Variants in PODXL observed in about 807,000 individuals in gnomAD.
The protein encoded by PODXL is podocalyxin like, also known as podocalyxin.
PODXL carries 20 observed loss-of-function variants against 48.9 expected under a neutral mutation model. That is an observed-to-expected ratio of 0.41 (90% confidence interval 0.29 to 0.59). PODXL has a LOEUF of 0.59. Ranked by LOEUF, PODXL falls within the 20% of genes least tolerant of loss-of-function variation. The pLI, the probability that PODXL is intolerant of heterozygous loss-of-function variation, is 0.31. For synonymous variants in PODXL, 295 were observed against 287.4 expected (o/e 1.03, Z -0.27); for missense variants, 606 against 675.1 (o/e 0.90, Z 1.13).
At chr7:131,512,700 G>A (rs767499913) in intron 1 of PODXL, among the ~76,000 whole-genome samples, 9 of 152,144 alleles carry the variant, frequency 5.9e-5, no homozygotes, top group Admixed American at 1.3e-4. Flanking sequence ...ACATTCAGCC[G>A]GGTGTGGTGG....
At chr7:131,545,754 T>TA (rs1798565535) in intron 1 of PODXL, among the ~76,000 whole-genome samples, 1 of 152,250 alleles carries the variant, frequency 6.6e-6, no homozygotes, top group Non-Finnish European at 1.5e-5. Flanking sequence ...TGTAAGATCA[T>TA]AATGTATTTT....
chr7:131,517,135 G>T (rs1798011727), intron 1 of PODXL, among the ~76,000 whole-genome samples: 1 of 152,150 alleles, frequency 6.6e-6, no homozygotes, highest in African/African-American at 2.4e-5. Context: ...GAACTCTTGT[G>T]GCTGACCTTC....
intron 1 of PODXL, among the ~76,000 whole-genome samples, chr7:131,534,781 G>A (rs1021634353): frequency 2.6e-5 from 4 of 152,186 alleles, no homozygotes; most frequent in African/African-American, 9.6e-5. Flanking sequence ...CGGGTGTGGT[G>A]GCTCACACCT....
chr7:131,541,138 T>TGGAGCA (rs960238445), intron 1 of PODXL, among the ~76,000 whole-genome samples: 5 of 152,180 alleles, frequency 3.3e-5, no homozygotes, highest in African/African-American at 7.2e-5. Context: ...ATGCTGGGGT[T>TGGAGCA]GGAGCAGGAG....
chr7:131,544,178 G>A lies in PODXL; in HGVS notation c.100+12082C>T, dbSNP rs138220192. On this transcript the variant is annotated intron_variant, in intron 1 of 8. Coordinates refer to ENST00000378555, the MANE Select transcript of PODXL (RefSeq NM_001018111.3). ...CACCCAACTCAGATGGACCCTGCTG[G>A]TTTTCTTCACTGTGCCTGCCACCAG... Among the ~76,000 whole-genome samples, 3 of 152,278 alleles carry A rather than the reference G, an allele frequency of 2.0e-5. No individual in the cohort carries two copies. The East Asian group carries it at 5.8e-4, about 29-fold the overall frequency.
rs184917483 is a variant in PODXL, at chr7:131,505,722, C to T, written c.1479+146G>A. 8.6e-3 allele frequency: 5,834 copies of T among 676,794 alleles called. 50 individuals are homozygous for T. Among genetic ancestry groups the T allele is most frequent in the South Asian group, 0.018 (934 of 51,184 alleles). 41.9% of individuals were successfully genotyped at this position (676,794 alleles called of 1,614,324 possible). On this transcript the variant is annotated intron_variant, in intron 8 of 8. Transcript: ENST00000378555. ...CTCTGTAATGCTCTGTGGACTGAGG[C>T]GGCTGCCTATCAGGGGTGGCCTCTG...
Position 131,515,441 on chromosome 7 carries a change from G to A in PODXL, c.101-4008C>T, listed in dbSNP as rs151042640. On this transcript the variant is annotated intron_variant, in intron 1 of 8. Transcript: ENST00000378555. Reference sequence around the variant, plus strand: ...TTTGAGACAGAGTTTCGCTCCTGTCGCCCAAGCTGGAGTGCAATGGTGCGA... The same window carrying A: ...TTTGAGACAGAGTTTCGCTCCTGTCACCCAAGCTGGAGTGCAATGGTGCGA... Among the ~76,000 whole-genome samples the A allele has an allele frequency of 6.2e-3, 944 of 151,946 alleles. 11 individuals are homozygous for A. Among genetic ancestry groups the A allele is most frequent in the African/African-American group, 0.021 (885 of 41,402 alleles).
intron 1 of PODXL, among the ~76,000 whole-genome samples, chr7:131,524,633 T>C (rs763051594): frequency 6.6e-6 from 1 of 152,166 alleles, no homozygotes; most frequent in Non-Finnish European, 1.5e-5. Context: ...CTAAACAGGA[T>C]CTCTCATACA....
chr7:131,503,053 G>C lies in PODXL; in HGVS notation c.*1258C>G, dbSNP rs1797734791. 2 of 152,738 alleles carry C rather than the reference G, an allele frequency of 1.3e-5. No homozygotes were observed. The highest frequency in any genetic ancestry group is 4.8e-5 in the African/African-American group (2 of 41,464). The allele number at this position is 152,738 out of a possible 1,614,324, so 9.5% of individuals were successfully genotyped here. Reference sequence around the variant, plus strand: ...CTGTGGCACAGGAGAATCAGAGTGAGTGAGATGAGCTAACTGGACGTCTGC... The same window carrying C: ...CTGTGGCACAGGAGAATCAGAGTGACTGAGATGAGCTAACTGGACGTCTGC... On this transcript the variant is annotated 3_prime_UTR_variant, in exon 9 of 9. Transcript: ENST00000378555.
Position 131,508,998 on chromosome 7 carries a change from GTGTC to G in PODXL, c.1050_1053del (p.Gln350HisfsTer9), listed in dbSNP as rs1230382560. On this transcript the variant is annotated frameshift_variant, in exon 5 of 9. Transcript: ENST00000378555. LOFTEE classifies it high-confidence loss of function. ...TTCAGGACGAGCTGCTTCTCACTCT[GTGTC>G]TGTGTCTCAAGATCCTCACACTTTG... 1.2e-6 allele frequency: 2 copies of G among 1,613,988 alleles called. No individual in the cohort carries two copies. Among genetic ancestry groups the G allele is most frequent in the Non-Finnish European group, 1.7e-6 (2 of 1,179,864 alleles).
chr7:131,527,981 G>A (rs865926250), intron 1 of PODXL, among the ~76,000 whole-genome samples: 13 of 143,384 alleles, frequency 9.1e-5, no homozygotes, highest in South Asian at 2.2e-4. Context: ...TCAGCTCACC[G>A]CAACCTCTCT....
chr7:131,535,550 C>T (rs934626894), intron 1 of PODXL, among the ~76,000 whole-genome samples: 1 of 152,194 alleles, frequency 6.6e-6, no homozygotes, highest in African/African-American at 2.4e-5. Context: ...CCATAAAAGA[C>T]CAAAGTAAAT....
At chr7:131,556,205 C>G (rs2116880443) in intron 1 of PODXL, 55 bp downstream of exon 1, 2 of 1,396,968 alleles carry the variant, frequency 1.4e-6, no homozygotes, top group East Asian at 6.0e-5. Context: ...CTCGGCCGGG[C>G]AGGGGGCACA....
In PODXL at chr7:131,504,079, C is replaced by T. The variant is rs567261392; in HGVS notation, c.*232G>A. 1.0e-3 allele frequency: 589 copies of T among 567,076 alleles called. 1 individual carries two copies. Among genetic ancestry groups the T allele is most frequent in the Admixed American group, 2.2e-3 (69 of 31,850 alleles). The allele number at this position is 567,076 out of a possible 1,614,324, so 35.1% of individuals were successfully genotyped here. A position where few individuals can be genotyped will look rare whatever the true frequency, so the allele number is the denominator to read the frequency against. On this transcript the variant is annotated 3_prime_UTR_variant, in exon 9 of 9. Transcript: ENST00000378555. The stretch of plus-strand genomic sequence containing the variant: ...GTGGCTTTTTCTTGATCTCCCTCAT[C>T]ATCCAGCAGCACTGAGCTCAGGCAC...
At chr7:131,525,074 G>T (rs1376158541) in intron 1 of PODXL, among the ~76,000 whole-genome samples, 2 of 152,100 alleles carry the variant, frequency 1.3e-5, no homozygotes, top group African/African-American at 4.8e-5. Context: ...GAGGTTGAGG[G>T]AACTGGGAGG....
chr7:131,514,511 T>C (rs1444915852), intron 1 of PODXL, among the ~76,000 whole-genome samples: 1 of 152,078 alleles, frequency 6.6e-6, no homozygotes, highest in East Asian at 1.9e-4. Flanking sequence ...CTTCTTACTA[T>C]TGATGGCATC....
At chr7:131,539,143 C>T (rs1033429299) in intron 1 of PODXL, among the ~76,000 whole-genome samples, 13 of 152,198 alleles carry the variant, frequency 8.5e-5, no homozygotes, top group East Asian at 1.9e-4. Context: ...AGTGGCCACT[C>T]GCCCTGCCTT....
At chr7:131,517,941 G>A (rs562829639) in intron 1 of PODXL, among the ~76,000 whole-genome samples, 1 of 152,242 alleles carries the variant, frequency 6.6e-6, no homozygotes, top group South Asian at 2.1e-4. Flanking sequence ...GTTTCACCAT[G>A]TTGGCCAGGC....
chr7:131,510,848 G>C lies in PODXL; in HGVS notation c.686C>G (p.Pro229Arg), dbSNP rs188826867. The C allele has an allele frequency of 1.2e-6, 2 of 1,614,108 alleles. No homozygotes were observed. Among genetic ancestry groups the C allele is most frequent in the East Asian group, 2.2e-5 (1 of 44,844 alleles). Residue 229 changes from proline (P) to arginine (R), a missense_variant, in exon 2 of 9, where the codon CCG becomes CGG. Physicochemically the swap from Pro to Arg is moderately radical, Grantham distance 103. Coordinates refer to ENST00000378555, the MANE Select transcript of PODXL (RefSeq NM_001018111.3). ...VAIPGYTFTS[P>R]GMTTTLLETV... is the part of the protein sequence containing the mutation. ...CTTACGTAGGGTGGTGGTCATCCCC[G>C]GGCTTGTGAAGGTGTAGCCAGGGAT...
Sources: gnomAD v4.1 joint callset for allele counts (sites outside exome capture counted in the v4.1 genomes callset) on GRCh38, gnomAD v4.1.1 for gene constraint, MANE v1.5 for transcripts, NCBI Gene and HGNC (gene_info 2026-07-23, HGNC 2026-07-21) for gene names.